MGA: variants seen among roughly 807,000 people sequenced by gnomAD.
MGA encodes MAX dimerization protein MGA.
MGA carries 40 observed loss-of-function variants against 261.1 expected under a neutral mutation model. The observed-to-expected ratio is 0.15, with a 90% CI of 0.12 to 0.20. The LOEUF (loss-of-function observed/expected upper bound fraction) is 0.20, where lower values mean the gene tolerates loss of function less well. MGA is among the 10% of genes least tolerant of loss of function. The probability of loss-of-function intolerance (pLI) is 1.00; values close to 1 mark genes in which losing one functional copy is unlikely to be tolerated. For synonymous variants in MGA, 1,302 were observed against 1,290.6 expected (o/e 1.01, Z -0.19); for missense variants, 3,397 against 3,630.5 (o/e 0.94, Z 1.65).
intron 3 of MGA, among the ~76,000 whole-genome samples, chr15:41,697,542 G>A (rs950732110): frequency 6.6e-6 from 1 of 151,192 alleles, no homozygotes; most frequent in Non-Finnish European, 1.5e-5. Flanking sequence ...CCAGCCTCAC[G>A]AGTAGCTGGG....
chr15:41,708,216 G>T lies in MGA; in HGVS notation c.2425+8G>T, dbSNP rs1487794829. The stretch of plus-strand genomic sequence containing the variant: ...CTGCATCTAGGAATGAAGGTAATTA[G>T]TTTTTTAAAATTTTTTAAATGTTCT... On this transcript the variant is annotated splice_region_variant and intron_variant, in intron 7 of 23. Transcript: ENST00000219905. 13 of 1,542,354 alleles carry T rather than the reference G, an allele frequency of 8.4e-6. No homozygotes were observed.
At position 41,750,610 on chromosome 15, in the gene MGA, GA is replaced by G; in HGVS notation, c.7007del (p.Lys2336ArgfsTer5). 1 of 1,602,660 alleles carries G rather than the reference GA, an allele frequency of 6.2e-7. No homozygotes were observed. Among genetic ancestry groups the G allele is most frequent in the East Asian group, 2.2e-5 (1 of 44,718 alleles). On this transcript the variant is annotated frameshift_variant, in exon 17 of 24. Transcript: ENST00000219905. LOFTEE classifies it high-confidence loss of function. ...CCAGAGTGAGGAGGTTGATGATGTA[GA>G]AAAGGTGGTGAGCCCATTTTTGTTG...
intron 1 of MGA, among the ~76,000 whole-genome samples, chr15:41,633,471 T>G (rs1367088770): frequency 4.6e-5 from 7 of 151,604 alleles, no homozygotes; most frequent in Admixed American, 4.6e-4. Context: ...CTCCCACCTC[T>G]GCCTCCCTAG....
chr15:41,626,470 T>C (rs1191416211), intron 1 of MGA, among the ~76,000 whole-genome samples: 2 of 152,176 alleles, frequency 1.3e-5, no homozygotes, highest in African/African-American at 2.4e-5. Context: ...TTGCCCAGGC[T>C]AGAGTGCAAT....
chr15:41,754,687 T>C, intron 18 of MGA, 120 bp downstream of exon 18: 1 of 1,201,728 alleles, frequency 8.3e-7, no homozygotes, highest in Non-Finnish European at 1.1e-6. Flanking sequence ...TAGCTTTTTT[T>C]CTGATTAGTA....
intron 21 of MGA, 133 bp downstream of exon 21, chr15:41,761,983 G>A: frequency 1.0e-6 from 1 of 993,896 alleles, no homozygotes; most frequent in Non-Finnish European, 1.5e-6. Context: ...CCTTTGACTG[G>A]GTGGTGGGTT....
chr15:41,702,176 C>G (rs748890765), intron 5 of MGA, among the ~76,000 whole-genome samples: 3 of 151,998 alleles, frequency 2.0e-5, no homozygotes, highest in Non-Finnish European at 2.9e-5. Flanking sequence ...AAAAAATTAG[C>G]CAGGTGTGGT....
At chr15:41,637,278 G>C (rs1026440263) in intron 1 of MGA, among the ~76,000 whole-genome samples, 3 of 152,122 alleles carry the variant, frequency 2.0e-5, no homozygotes, top group Non-Finnish European at 4.4e-5. Context: ...GTCATGGTTC[G>C]TATCATATTG....
intron 5 of MGA, among the ~76,000 whole-genome samples, chr15:41,706,396 C>G (rs1320151580): frequency 6.7e-6 from 1 of 150,368 alleles, no homozygotes; most frequent in East Asian, 1.9e-4. Context: ...TACAGGTGCA[C>G]GCCACAGTGC....
intron 14 of MGA, 93 bp downstream of exon 14, chr15:41,740,296 A>C: frequency 7.7e-7 from 1 of 1,306,464 alleles, no homozygotes; most frequent in Non-Finnish European, 1.1e-6. Context: ...TTAGAGAAAT[A>C]TGTACTTTGG....
intron 11 of MGA, among the ~76,000 whole-genome samples, chr15:41,733,151 T>C (rs2061598805): frequency 6.6e-6 from 1 of 151,678 alleles, no homozygotes; most frequent in African/African-American, 2.4e-5. Context: ...TGAGACGGGG[T>C]TTTACCATGT....
At chr15:41,693,958 T>G (rs1018674713) in intron 2 of MGA, among the ~76,000 whole-genome samples, 1 of 152,166 alleles carries the variant, frequency 6.6e-6, no homozygotes. Context: ...ATCACTGCCT[T>G]GCAGTGATTT....
intron 1 of MGA, among the ~76,000 whole-genome samples, chr15:41,662,525 C>G (rs1221989879): frequency 6.6e-6 from 1 of 152,050 alleles, no homozygotes; most frequent in Admixed American, 6.6e-5. Flanking sequence ...ATTGTCTGTT[C>G]CGAAGTGAGT....
At chr15:41,728,941 A>G (rs2061377401) in intron 10 of MGA, among the ~76,000 whole-genome samples, 1 of 152,226 alleles carries the variant, frequency 6.6e-6, no homozygotes, top group Non-Finnish European at 1.5e-5. Flanking sequence ...TTTGAAATGC[A>G]CTGCTCTGGT....
chr15:41,661,848 G>C (rs935697961), intron 1 of MGA, among the ~76,000 whole-genome samples: 43 of 152,116 alleles, frequency 2.8e-4, no homozygotes, highest in African/African-American at 1.0e-3. Flanking sequence ...CTGGTGGCTG[G>C]TTCTGTAGTC....
In MGA at chr15:41,727,364, A is replaced by T. The variant is rs372126543; in HGVS notation, c.3615A>T (p.Gly1205=). ...CTGTGAAGGGCAAACTGCTCACTGG[A>T]ATTAAATCTCCACGGTCATATACTC... The change falls in exon 10 of 24, where the codon GGA becomes GGT. Residue 1205 remains glycine (G), a synonymous_variant. Coordinates refer to ENST00000219905, the MANE Select transcript of MGA (RefSeq NM_001164273.2). 6.2e-6 allele frequency: 10 copies of T among 1,613,878 alleles called. No individual in the cohort carries two copies. Among genetic ancestry groups the T allele is most frequent in the Middle Eastern group, 1.6e-4 (1 of 6,084 alleles).
At chr15:41,739,947 A>G (rs2151831099) in intron 13 of MGA, 1 of 1,612,776 alleles carries the variant, frequency 6.2e-7, no homozygotes, top group Middle Eastern at 1.7e-4. Context: ...TGCTATTGGG[A>G]CAGATGGGGG....
chr15:41,640,031 G>A (rs1043285970), intron 1 of MGA, among the ~76,000 whole-genome samples: 11 of 152,138 alleles, frequency 7.2e-5, no homozygotes, highest in Non-Finnish European at 1.0e-4. Context: ...GTATCCTTTG[G>A]TGGTTTAGAG....
rs138011670 is a variant in MGA at position 41,718,431 on chromosome 15, C to G, written c.3430+4935C>G. 2.0e-4 allele frequency: 259 copies of G among 1,264,314 alleles called. No homozygotes were observed. The African/African-American group carries it at 3.3e-3, about 16-fold the overall frequency. The allele number at this position is 1,264,314 out of a possible 1,614,324, so 78.3% of individuals were successfully genotyped here. The stretch of plus-strand genomic sequence containing the variant: ...CAGGGCAAACACAGATCGCAGGTAG[C>G]CCTGGAGCTGAGGAATAGCTTTGAT... On this transcript the variant is annotated intron_variant, in intron 9 of 23. Coordinates refer to ENST00000219905, the MANE Select transcript of MGA (RefSeq NM_001164273.2).
Sources: allele counts gnomAD v4.1 joint callset (sites outside exome capture counted in the v4.1 genomes callset), GRCh38; gene constraint gnomAD v4.1.1; transcripts MANE v1.5; gene names NCBI Gene and HGNC (gene_info 2026-07-23, HGNC 2026-07-21).